The following NPR3 variants were observed in gnomAD, a reference collection of about 807,000 sequenced individuals.
NPR3 encodes the protein natriuretic peptide receptor 3.
Under a neutral mutation model 54.5 loss-of-function variants are expected in NPR3, and 34 were observed. The ratio of observed to expected loss-of-function variants is 0.62; its 90% CI spans 0.47 to 0.83. The LOEUF is 0.83. Ranked by LOEUF, NPR3 falls within the 40% of genes least tolerant of loss-of-function variation. The pLI is 0.00. For synonymous variants in NPR3, 289 were observed against 297.1 expected (o/e 0.97, Z 0.28); for missense variants, 674 against 720.8 (o/e 0.94, Z 0.74).
intron 7 of NPR3, 31 bp downstream of exon 7, chr5:32,784,914 T>A: frequency 2.1e-6 from 3 of 1,440,914 alleles, no homozygotes; most frequent in Non-Finnish European, 2.9e-6. Context: ...TACAATTCAC[T>A]CTCTTCTGCT....
At position 32,780,636 on chromosome 5, in the gene NPR3, T is replaced by A. The variant is rs948081799; in HGVS notation, c.1196-86T>A. On this transcript the variant is annotated intron_variant, in intron 4 of 7. Coordinates refer to ENST00000265074, the MANE Select transcript of NPR3 (RefSeq NM_001204375.2). Reference sequence around the variant, plus strand: ...CTGTGGCATGAGTTTGTTTAAAAAATCCTGCCAATTCATTTTCTTGTTTTT... The same window carrying A: ...CTGTGGCATGAGTTTGTTTAAAAAAACCTGCCAATTCATTTTCTTGTTTTT... 4 of 778,450 alleles carry A rather than the reference T, an allele frequency of 5.1e-6. No individual in the cohort carries two copies. The African/African-American group carries it at 6.8e-5, about 13-fold the overall frequency. The allele number at this position is 778,450 out of a possible 1,614,324, so 48.2% of individuals were successfully genotyped here.
chr5:32,701,323 C>T (rs1438728661), intron 1 of NPR3, among the ~76,000 whole-genome samples: 1 of 152,186 alleles, frequency 6.6e-6, no homozygotes, highest in Non-Finnish European at 1.5e-5. Context: ...AGGTCAATTG[C>T]ATTTTCAACT....
intron 3 of NPR3, among the ~76,000 whole-genome samples, chr5:32,759,672 G>A (rs1384211645): frequency 6.6e-6 from 1 of 151,562 alleles, no homozygotes; most frequent in African/African-American, 2.4e-5. Flanking sequence ...TATTTTGCTC[G>A]TTAGTTGATG....
chr5:32,760,624 A>G (rs1391709397), intron 3 of NPR3, among the ~76,000 whole-genome samples: 1 of 149,120 alleles, frequency 6.7e-6, no homozygotes, highest in African/African-American at 2.5e-5. Flanking sequence ...TCTGTCTTTC[A>G]CCTGCATTTT....
At position 32,788,413 on chromosome 5, in the gene NPR3, C is replaced by T. The variant is rs558928858; in HGVS notation, c.*2068C>T. 6.6e-6 allele frequency: 1 copy of T among 152,264 alleles called. No individual in the cohort carries two copies. The highest frequency in any genetic ancestry group is 2.4e-5 in the African/African-American group (1 of 41,556). The allele number at this position is 152,264 out of a possible 1,614,324, so 9.4% of individuals were successfully genotyped here. Reference sequence around the variant, plus strand: ...TGAAACAGCAAGGAAGGATTGTGTCCATCTTACTTACTTGAATTGGAGAGC... The same window carrying T: ...TGAAACAGCAAGGAAGGATTGTGTCTATCTTACTTACTTGAATTGGAGAGC... On this transcript the variant is annotated 3_prime_UTR_variant, in exon 8 of 8. Coordinates refer to ENST00000265074, the MANE Select transcript of NPR3 (RefSeq NM_001204375.2).
intron 1 of NPR3, among the ~76,000 whole-genome samples, chr5:32,714,493 GAA>G (rs1738444170): frequency 6.8e-6 from 1 of 147,390 alleles, no homozygotes; most frequent in Admixed American, 6.9e-5. Context: ...TAGACGTTCC[GAA>G]GTCTCTTTGC....
At chr5:32,713,084 G>C (rs1209903117) in intron 1 of NPR3, 1 of 770,808 alleles carries the variant, frequency 1.3e-6, no homozygotes, top group African/African-American at 1.9e-5. Context: ...TTAAAGGCTT[G>C]TTGACTCACT....
Position 32,780,755 on chromosome 5 carries a change from G to A in NPR3, c.1229G>A (p.Gly410Glu), listed in dbSNP as rs1281889404. 6.2e-7 allele frequency: 1 copy of A among 1,601,424 alleles called. No individual in the cohort carries two copies. The highest frequency in any genetic ancestry group is 1.3e-5 in the African/African-American group (1 of 74,772). ...GGGCAGGTGTCCATAGATGCCAACG[G>A]AGACCGATATGGGGATTTCTCTGTG... is the stretch of plus-strand genomic sequence containing the variant. ...IAGQVSIDAN[G>E]DRYGDFSVIA... The change falls in exon 5 of 8, where the codon GGA becomes GAA. Residue 410 changes from glycine to glutamate, a missense_variant. Transcript: ENST00000265074.
intron 3 of NPR3, among the ~76,000 whole-genome samples, chr5:32,743,842 G>A (rs1740155102): frequency 6.6e-6 from 1 of 152,110 alleles, no homozygotes; most frequent in Non-Finnish European, 1.5e-5. Flanking sequence ...GGGGCTGTAA[G>A]TGTTGCATAT....
intron 3 of NPR3, among the ~76,000 whole-genome samples, chr5:32,752,483 A>G (rs970994272): frequency 3.3e-5 from 5 of 152,212 alleles, no homozygotes; most frequent in African/African-American, 1.2e-4. Flanking sequence ...CCTTCCAGCG[A>G]GACTGCAAGG....
At chr5:32,691,263 C>A (rs1199729891) in intron 1 of NPR3, among the ~76,000 whole-genome samples, 1 of 152,184 alleles carries the variant, frequency 6.6e-6, no homozygotes, top group Non-Finnish European at 1.5e-5. Flanking sequence ...TTAGCGAGCA[C>A]TTGTTTACTT....
chr5:32,700,500 A>G (rs1019609995), intron 1 of NPR3, among the ~76,000 whole-genome samples: 4 of 151,504 alleles, frequency 2.6e-5, no homozygotes, highest in Admixed American at 2.6e-4. Context: ...GCACCCATCA[A>G]CTCATCATTT....
intron 1 of NPR3, among the ~76,000 whole-genome samples, chr5:32,722,383 T>C (rs1738911175): frequency 6.6e-6 from 1 of 152,348 alleles, no homozygotes; most frequent in East Asian, 1.9e-4. Context: ...CCAGTTAGCA[T>C]GCTCAGGTAT....
At position 32,714,531 on chromosome 5, in the gene NPR3, A is replaced by G. The variant is rs560136569; in HGVS notation, c.769+1986A>G. Among the ~76,000 whole-genome samples the G allele has an allele frequency of 6.1e-5, 9 of 148,024 alleles. No individual in the cohort carries two copies. The South Asian group carries it at 1.9e-3, about 31-fold the overall frequency. On this transcript the variant is annotated intron_variant, in intron 1 of 7. Transcript: ENST00000265074. ...TTTTTTTTTTTTTTTCCAAGTTTGC[A>G]TTGAGGGGTGAAAGTTTGCTTAACT...
upstream of NPR3, among the ~76,000 whole-genome samples, chr5:32,706,465 T>C (rs1737989452): frequency 6.6e-6 from 1 of 152,238 alleles, no homozygotes; most frequent in South Asian, 2.1e-4. Flanking sequence ...GCCAAGGTTA[T>C]GGCAATGGTT....
chr5:32,775,478 T>C (rs1462434841), intron 4 of NPR3, among the ~76,000 whole-genome samples: 1 of 152,160 alleles, frequency 6.6e-6, no homozygotes, highest in Non-Finnish European at 1.5e-5. Context: ...TATTGTTTAG[T>C]AGAGACGGGG....
At chr5:32,726,268 T>C (rs1739131624) in intron 2 of NPR3, among the ~76,000 whole-genome samples, 1 of 152,218 alleles carries the variant, frequency 6.6e-6, no homozygotes, top group African/African-American at 2.4e-5. Flanking sequence ...ACTGGAGCAG[T>C]ACATCATTGT....
At chr5:32,741,090 G>T (rs1318249192) in intron 3 of NPR3, among the ~76,000 whole-genome samples, 1 of 135,264 alleles carries the variant, frequency 7.4e-6, no homozygotes, top group African/African-American at 2.6e-5. Flanking sequence ...CTCAACAGTG[G>T]TGCCATGTTG....
At chr5:32,747,533 C>A (rs1740362308) in intron 3 of NPR3, among the ~76,000 whole-genome samples, 1 of 151,922 alleles carries the variant, frequency 6.6e-6, no homozygotes, top group African/African-American at 2.4e-5. Context: ...TGCTTCTGTG[C>A]CTATGTAGTT....
Sources: gnomAD v4.1 joint callset for allele counts (sites outside exome capture counted in the v4.1 genomes callset) on GRCh38, gnomAD v4.1.1 for gene constraint, MANE v1.5 for transcripts, NCBI Gene and HGNC (gene_info 2026-07-23, HGNC 2026-07-21) for gene names.